HIRIP3: variants seen among roughly 807,000 people sequenced by gnomAD.
The protein encoded by HIRIP3 is HIRA interacting protein 3.
A neutral mutation model predicts 50.3 loss-of-function variants in HIRIP3; 40 were observed. That is an observed-to-expected ratio of 0.79 (90% CI 0.62 to 1.03). The LOEUF (loss-of-function observed/expected upper bound fraction) is 1.03, where lower values mean the gene tolerates loss of function less well. Ranked by LOEUF, HIRIP3 falls within the 50% of genes least tolerant of loss-of-function variation. HIRIP3 has a pLI of 0.00. For synonymous variants in HIRIP3, 318 were observed against 261.6 expected (o/e 1.22, Z -2.08); for missense variants, 765 against 705.4 (o/e 1.08, Z -0.96).
At chr16:29,995,010 T>C (rs1411774913) in intron 3 of HIRIP3, 93 bp downstream of exon 3, 3 of 1,489,360 alleles carry the variant, frequency 2.0e-6, no homozygotes, top group African/African-American at 2.8e-5. Context: ...TGCTCCCTCA[T>C]CTAACGCCTG....
At chr16:29,995,273 G>A (rs2070064532) in intron 2 of HIRIP3, 56 bp from the exon 3 acceptor site, 3 of 1,612,352 alleles carry the variant, frequency 1.9e-6, no homozygotes, top group South Asian at 1.1e-5. Flanking sequence ...ACCGCGCCCC[G>A]TCAGGCCCCT....
In HIRIP3 at chr16:29,995,420, A is replaced by C; in HGVS notation, c.109T>G (p.Ser37Ala). Reference sequence around the variant, plus strand: ...TCGGGCTCCAGGTGGCTGCGGCCCGAGTGAGCTAAGTACCTCCGCCGCACG... The same window carrying C: ...TCGGGCTCCAGGTGGCTGCGGCCCGCGTGAGCTAAGTACCTCCGCCGCACG... Reference protein sequence around the residue: ...SIVRRRYLAHSGRSHLEPEEK... With the variant: ...SIVRRRYLAHAGRSHLEPEEK... Residue 37 changes from serine (S) to alanine (A), a missense_variant, in exon 2 of 7, where the codon TCG becomes GCG. Coordinates refer to ENST00000279392, the MANE Select transcript of HIRIP3 (RefSeq NM_003609.5). The C allele has an allele frequency of 1.9e-6, 3 of 1,613,674 alleles. No homozygotes were observed. Among genetic ancestry groups the C allele is most frequent in the Non-Finnish European group, 2.5e-6 (3 of 1,179,864 alleles).
At position 29,995,574 on chromosome 16, in the gene HIRIP3, G is replaced by C; in HGVS notation, c.32C>G (p.Thr11Ser). ...CGGGCGGCCTCGGAAGAAGCTACGG[G>C]TGAACTCCTGCATCTCCTTCTCCCG... MAREKEMQEF[T>S]RSFFRGRPDL... is the part of the protein sequence containing the mutation. The change falls in exon 1 of 7, where the codon ACC (threonine) becomes AGC (serine). Residue 11 changes from threonine (T) to serine (S), a missense_variant. Coordinates refer to ENST00000279392, the MANE Select transcript of HIRIP3 (RefSeq NM_003609.5). 6.2e-7 allele frequency: 1 copy of C among 1,612,592 alleles called. No homozygotes were observed. The highest frequency in any genetic ancestry group is 8.5e-7 in the Non-Finnish European group (1 of 1,180,024).
Position 29,993,455 on chromosome 16 carries a change from T to C in HIRIP3, c.1507+4A>G. 6.2e-7 allele frequency: 1 copy of C among 1,611,222 alleles called. No individual in the cohort carries two copies. The highest frequency in any genetic ancestry group is 1.7e-5 in the Admixed American group (1 of 59,782). ...CTCCTGGGCAGTGAGAGGAAACCCC[T>C]TACCCGAGCCACTGATGATGTTCGC... On this transcript the variant is annotated splice_donor_region_variant and intron_variant, in intron 6 of 6. Coordinates refer to ENST00000279392, the MANE Select transcript of HIRIP3 (RefSeq NM_003609.5).
rs767859539 is a variant in HIRIP3, at chr16:29,994,102, C to T, written c.1043G>A (p.Gly348Asp). Residue 348 changes from glycine (G) to aspartate (D), a missense_variant, in exon 4 of 7, where the codon GGC becomes GAC. Transcript: ENST00000279392. Reference sequence around the variant, plus strand: ...GCCCAGTCTGGCCATCTTTCTAGAGCCTTTAGCTGTGGGTTCCCCCTTCCC... The same window carrying T: ...GCCCAGTCTGGCCATCTTTCTAGAGTCTTTAGCTGTGGGTTCCCCCTTCCC... ...DSGKGEPTAK[G>D]SRKMARLGST... The T allele has an allele frequency of 6.2e-7, 1 of 1,613,850 alleles. No homozygotes were observed. The highest frequency in any genetic ancestry group is 8.5e-7 in the Non-Finnish European group (1 of 1,179,912).
At position 29,994,709 on chromosome 16, in the gene HIRIP3, C is replaced by T. The variant is rs2070048415; in HGVS notation, c.436G>A (p.Glu146Lys). Residue 146 changes from glutamate to lysine, a missense_variant, in exon 4 of 7, where the codon GAA (glutamate) becomes AAA (lysine). Transcript: ENST00000279392. Reference protein sequence around the residue: ...SKAVEESSDEERQRDLPAQRG... With the variant: ...SKAVEESSDEKRQRDLPAQRG... The stretch of plus-strand genomic sequence containing the variant: ...TGTGCGGGCAGGTCCCTCTGCCGTT[C>T]CTCATCACTGCTCTCCTCAACTGCC... 1.9e-6 allele frequency: 3 copies of T among 1,614,098 alleles called. No homozygotes were observed. The highest frequency in any genetic ancestry group is 1.3e-5 in the African/African-American group (1 of 74,924).
chr16:29,993,757 G>T lies in HIRIP3; in HGVS notation c.1291C>A (p.Arg431Ser), dbSNP rs753859926. Residue 431 changes from arginine (R) to serine (S), a missense_variant, in exon 5 of 7, where the codon CGC (arginine) becomes AGC (serine). By Grantham distance (110) the Arg-to-Ser change is moderately radical. Coordinates refer to ENST00000279392, the MANE Select transcript of HIRIP3 (RefSeq NM_003609.5). ...EDHPAVMRLK[R>S]YIRACGAHRN... is the part of the protein sequence containing the mutation. ...TGGGCACCACAGGCCCGAATGTAGC[G>T]CTTCAGCCTCATCACAGCCGGGTGG... 6.2e-7 allele frequency: 1 copy of T among 1,609,788 alleles called. No homozygotes were observed. The highest frequency in any genetic ancestry group is 2.2e-5 in the East Asian group (1 of 44,894).
chr16:29,995,834 A>G (rs2070087450), upstream of HIRIP3: 2 of 610,666 alleles, frequency 3.3e-6, no homozygotes, highest in Admixed American at 3.0e-5. Context: ...GATCATTTTA[A>G]AAGTTCTCGT....
Position 29,995,445 on chromosome 16 carries a change from G to A in HIRIP3, c.84C>T (p.Ile28=), listed in dbSNP as rs763928002. 6.2e-7 allele frequency: 1 copy of A among 1,613,684 alleles called. No individual in the cohort carries two copies. The highest frequency in any genetic ancestry group is 8.5e-7 in the Non-Finnish European group (1 of 1,179,792). The change falls in exon 2 of 7, where the codon ATC becomes ATT. Residue 28 remains isoleucine, a synonymous_variant. Transcript: ENST00000279392. ...RPDLSTLTHS[I]VRRRYLAHSG... is the part of the protein sequence containing the mutation. Reference sequence around the variant, plus strand: ...AGTGAGCTAAGTACCTCCGCCGCACGATGGAATGCGTAAGCGTGCTGCAGG... The same window carrying A: ...AGTGAGCTAAGTACCTCCGCCGCACAATGGAATGCGTAAGCGTGCTGCAGG...
intron 3 of HIRIP3, 88 bp downstream of exon 3, chr16:29,995,015 C>A: frequency 2.7e-6 from 4 of 1,494,548 alleles, no homozygotes; most frequent in South Asian, 1.2e-5. Context: ...CCTCATCTAA[C>A]GCCTGGGGAC....
rs570816593 is a variant in HIRIP3 at position 29,993,345 on chromosome 16, C to A, written c.1533G>T (p.Trp511Cys). 1.3e-6 allele frequency: 2 copies of A among 1,549,870 alleles called. No homozygotes were observed. The highest frequency in any genetic ancestry group is 1.7e-6 in the Non-Finnish European group (2 of 1,144,560). The change falls in exon 7 of 7, where the codon TGG becomes TGT. Residue 511 changes from tryptophan (W) to cysteine (C), a missense_variant. Transcript: ENST00000279392. ...GGGGTGCTGCTTCTCCTAAAGGGTT[C>A]CAGGCTGTACGTCTGCGTGGCCGGC... is the stretch of plus-strand genomic sequence containing the variant. Reference protein sequence around the residue: ...GSGRPRRRTAWNPLGEAAPPG... With the variant: ...GSGRPRRRTACNPLGEAAPPG...
chr16:29,995,685 C>T (rs1291949877), upstream of HIRIP3: 1 of 1,547,080 alleles, frequency 6.5e-7, no homozygotes, highest in African/African-American at 1.4e-5. Flanking sequence ...GGCTCGCGCA[C>T]GCGCAGTGCT....
chr16:29,994,034 C>T lies in HIRIP3; in HGVS notation c.1111G>A (p.Asp371Asn). The T allele has an allele frequency of 6.2e-7, 1 of 1,611,370 alleles. No individual in the cohort carries two copies. ...TGGGGGCCTCCCCCTGCCTCGCTGT[C>T]ACTTACCTCCCTCTCCAAGTCACTT... ...EESDLEREVSDSEAGGGPQGE... is the reference protein window; with the variant it reads ...EESDLEREVSNSEAGGGPQGE... Residue 371 changes from aspartate to asparagine, a missense_variant, in exon 4 of 7, where the codon GAC (aspartate) becomes AAC (asparagine). Asp to Asn is a conservative substitution (Grantham distance 23). Coordinates refer to ENST00000279392, the MANE Select transcript of HIRIP3 (RefSeq NM_003609.5).
rs759380787 is a variant in HIRIP3, at chr16:29,995,217, C to T, written c.187G>A (p.Val63Met). The stretch of plus-strand genomic sequence containing the variant: ...TCTTCCCTGGAAGCGGCTTCATCCA[C>T]CTGTGTGTGCGCCAAGAGGGCAAAC... ...LVEEELLKMQ[V>M]DEAASREDKL... The change falls in exon 3 of 7, where the codon GTG becomes ATG. Residue 63 changes from valine (V) to methionine (M), a missense_variant and splice_region_variant. By Grantham distance (21) the Val-to-Met change is conservative. Transcript: ENST00000279392. 6.2e-7 allele frequency: 1 copy of T among 1,614,248 alleles called. No individual in the cohort carries two copies. Among genetic ancestry groups the T allele is most frequent in the South Asian group, 1.1e-5 (1 of 91,090 alleles).
At position 29,993,231 on chromosome 16, in the gene HIRIP3, GATGATGCCAC is replaced by G; in HGVS notation, c.1637_1646del (p.Arg546ProfsTer72). On this transcript the variant is annotated frameshift_variant, in exon 7 of 7. Coordinates refer to ENST00000279392, the MANE Select transcript of HIRIP3 (RefSeq NM_003609.5). LOFTEE classifies it high-confidence loss of function. The stretch of plus-strand genomic sequence containing the variant: ...CTCAGTTACTCTCGCCATCACTGCT[GATGATGCCAC>G]GCATATGTGACCAGTCTGGGGGTGC... The G allele has an allele frequency of 6.3e-7, 1 of 1,592,140 alleles. No homozygotes were observed. The highest frequency in any genetic ancestry group is 8.6e-7 in the Non-Finnish European group (1 of 1,168,850).
Position 29,994,796 on chromosome 16 carries a change from T to C in HIRIP3, c.349A>G (p.Lys117Glu). 6.2e-7 allele frequency: 1 copy of C among 1,613,968 alleles called. No individual in the cohort carries two copies. The highest frequency in any genetic ancestry group is 8.5e-7 in the Non-Finnish European group (1 of 1,179,914). Residue 117 changes from lysine (K) to glutamate (E), a missense_variant, in exon 4 of 7, where the codon AAG (lysine) becomes GAG (glutamate). Lys to Glu is a moderately conservative substitution (Grantham distance 56). Coordinates refer to ENST00000279392, the MANE Select transcript of HIRIP3 (RefSeq NM_003609.5). ...SSPDYFGPPA[K>E]NGVAAEVSPA... ...CTGACTTCTGCTGCCACCCCATTCTTTGCTGGGGGTCCAAAGTAGTCTGGG... is the reference window on the plus strand; with the variant it reads ...CTGACTTCTGCTGCCACCCCATTCTCTGCTGGGGGTCCAAAGTAGTCTGGG...
At chr16:29,995,265 C>T (rs781551200) in intron 2 of HIRIP3, 48 bp from the exon 3 acceptor site, 1 of 1,612,896 alleles carries the variant, frequency 6.2e-7, no homozygotes, top group Non-Finnish European at 8.5e-7. Context: ...CTGCGCTCAC[C>T]GCGCCCCGTC....
chr16:29,994,029 G>T lies in HIRIP3; in HGVS notation c.1116C>A (p.Ser372Arg). 11 of 1,610,122 alleles carry T rather than the reference G, an allele frequency of 6.8e-6. No homozygotes were observed. Among genetic ancestry groups the T allele is most frequent in the Non-Finnish European group, 9.3e-6 (11 of 1,177,818 alleles). The change falls in exon 4 of 7, where the codon AGC becomes AGA. Residue 372 changes from serine (S) to arginine (R), a missense_variant. Physicochemically the swap from Ser to Arg is moderately radical, Grantham distance 110. Transcript: ENST00000279392. ...CCCCCTGGGGGCCTCCCCCTGCCTC[G>T]CTGTCACTTACCTCCCTCTCCAAGT... ...ESDLEREVSD[S>R]EAGGGPQGER...
chr16:29,993,192 TG>T lies in HIRIP3; in HGVS notation c.*14del. ...TTGTACATGTATCAAGGGTCCCTCCTGGGGGTGGCAGAGCTCAGTTACTCTC... is the reference window on the plus strand; with the variant it reads ...TTGTACATGTATCAAGGGTCCCTCCTGGGGTGGCAGAGCTCAGTTACTCTC... On this transcript the variant is annotated 3_prime_UTR_variant, in exon 7 of 7. Transcript: ENST00000279392. 1 of 1,582,706 alleles carries T rather than the reference TG, an allele frequency of 6.3e-7. No homozygotes were observed. The highest frequency in any genetic ancestry group is 8.6e-7 in the Non-Finnish European group (1 of 1,163,628).
Sources: allele counts gnomAD v4.1 joint callset, GRCh38; gene constraint gnomAD v4.1.1; transcripts MANE v1.5; gene names NCBI Gene and HGNC (gene_info 2026-07-23, HGNC 2026-07-21).